Variants in PIWIL2 observed in about 807,000 individuals in gnomAD.
PIWIL2 encodes piwi-like protein 2.
Under a neutral mutation model 116.5 loss-of-function variants are expected in PIWIL2, and 81 were observed. The ratio of observed to expected loss-of-function variants is 0.70; its 90% CI spans 0.58 to 0.84. PIWIL2 has a LOEUF of 0.84. PIWIL2 is among the 40% of genes least tolerant of loss of function. The pLI, the probability that PIWIL2 is intolerant of heterozygous loss-of-function variation, is 0.00. For synonymous variants in PIWIL2, 489 were observed against 429.5 expected, an observed-to-expected ratio of 1.14 and a Z score of -1.71; for missense variants, 1,272 against 1,212.3, an observed-to-expected ratio of 1.05 and a Z score of -0.73.
intron 12 of PIWIL2, among the ~76,000 whole-genome samples, 164 bp downstream of exon 12, chr8:22,305,032 TCA>T (rs947673826): frequency 6.6e-6 from 1 of 152,110 alleles, no homozygotes; most frequent in African/African-American, 2.4e-5. Flanking sequence ...GAGGCACCAC[TCA>T]CACTGGTAAG....
chr8:22,310,383 A>C (rs969455104), intron 15 of PIWIL2, among the ~76,000 whole-genome samples: 1 of 151,944 alleles, frequency 6.6e-6, no homozygotes, highest in African/African-American at 2.4e-5. Flanking sequence ...GAGTATCTAG[A>C]GGGTATTTGT....
At chr8:22,302,493 C>A (rs1379670831) in intron 10 of PIWIL2, among the ~76,000 whole-genome samples, 11 of 152,042 alleles carry the variant, frequency 7.2e-5, no homozygotes, top group Admixed American at 7.2e-4. Context: ...TTTCTGATTT[C>A]TTTTTTTAAA....
chr8:22,290,774 A>C (rs991420764), intron 10 of PIWIL2, among the ~76,000 whole-genome samples: 2 of 151,878 alleles, frequency 1.3e-5, no homozygotes, highest in African/African-American at 2.4e-5. Flanking sequence ...TTAGTTGTAG[A>C]ATAACTGAAC....
chr8:22,292,008 G>A (rs948034177), intron 10 of PIWIL2, among the ~76,000 whole-genome samples: 6 of 152,116 alleles, frequency 3.9e-5, no homozygotes, highest in Middle Eastern at 3.2e-3. Flanking sequence ...TTGAGCAAAC[G>A]CTTGAAAGAG....
chr8:22,332,801 T>G (rs183790037), intron 20 of PIWIL2, among the ~76,000 whole-genome samples: 1 of 152,102 alleles, frequency 6.6e-6, no homozygotes, highest in Non-Finnish European at 1.5e-5. Context: ...AAAAATAGAC[T>G]GTCACCAGCT....
chr8:22,294,992 T>G (rs1159232510), intron 10 of PIWIL2, among the ~76,000 whole-genome samples: 2 of 149,520 alleles, frequency 1.3e-5, no homozygotes, highest in African/African-American at 4.9e-5. Flanking sequence ...GGCAGGAGAA[T>G]GGCTTGAACC....
chr8:22,284,284 T>C lies in PIWIL2; in HGVS notation c.743+12T>C. On this transcript the variant is annotated intron_variant, in intron 6 of 22. Coordinates refer to ENST00000356766, the MANE Select transcript of PIWIL2 (RefSeq NM_018068.5). ...CATGTGACTTTCAGGTATTCACAGC[T>C]TTCCTTTGTATTGTTCACTTCTTAA... The C allele has an allele frequency of 7.3e-7, 1 of 1,373,278 alleles. No homozygotes were observed. The highest frequency in any genetic ancestry group is 1.0e-6 in the Non-Finnish European group (1 of 977,742). 85.1% of individuals were successfully genotyped at this position (1,373,278 alleles called of 1,614,324 possible).
At chr8:22,294,900 G>GAAAAA (rs57742067) in intron 10 of PIWIL2, among the ~76,000 whole-genome samples, 1 of 93,650 alleles carries the variant, frequency 1.1e-5, no homozygotes, top group Non-Finnish European at 2.1e-5. Flanking sequence ...ATCTTTACTG[G>GAAAAA]AAAAAAAAAA....
chr8:22,276,301 G>T (rs1337298181), intron 1 of PIWIL2, among the ~76,000 whole-genome samples: 4 of 152,102 alleles, frequency 2.6e-5, no homozygotes, highest in African/African-American at 9.6e-5. Flanking sequence ...TAATACTTAA[G>T]ACAGCTTTTT....
At chr8:22,328,634 T>A (rs148721917) in intron 20 of PIWIL2, among the ~76,000 whole-genome samples, 1,649 of 152,252 alleles carry the variant, frequency 0.011, 43 homozygotes, top group African/African-American at 0.037. Flanking sequence ...TTTCCATGTA[T>A]AAGTCTTTAC....
chr8:22,310,455 A>G (rs1171125204), intron 15 of PIWIL2, among the ~76,000 whole-genome samples: 1 of 152,198 alleles, frequency 6.6e-6, no homozygotes, highest in Non-Finnish European at 1.5e-5. Flanking sequence ...TACACTAGCT[A>G]TTTGTATCAA....
chr8:22,308,080 C>CA lies in PIWIL2; in HGVS notation c.1686+13dup. On this transcript the variant is annotated splice_region_variant and intron_variant, in intron 14 of 22. Coordinates refer to ENST00000356766, the MANE Select transcript of PIWIL2 (RefSeq NM_018068.5). ...GCAAAAGGATGTACATAAGGTAAAC[C>CA]AAAAAACGTGATGGTGTATGCACAT... The CA allele has an allele frequency of 6.2e-7, 1 of 1,609,070 alleles. No homozygotes were observed. The highest frequency in any genetic ancestry group is 8.5e-7 in the Non-Finnish European group (1 of 1,177,200).
rs761215621 is a variant in PIWIL2, at chr8:22,304,041, A to G, written c.1202A>G (p.Asn401Ser). The change falls in exon 11 of 23, where the codon AAT becomes AGT. Residue 401 changes from asparagine (N) to serine (S), a missense_variant. Coordinates refer to ENST00000356766, the MANE Select transcript of PIWIL2 (RefSeq NM_018068.5). ...CAAAGGCATGCCATTTATCAGCAGA[A>G]TAAAGAACACTTCCAGGATGAGTGT... ...LDVMHAIYQQ[N>S]KEHFQDECTK... The G allele has an allele frequency of 6.2e-7, 1 of 1,612,904 alleles. No individual in the cohort carries two copies. The highest frequency in any genetic ancestry group is 8.5e-7 in the Non-Finnish European group (1 of 1,179,318).
intron 20 of PIWIL2, among the ~76,000 whole-genome samples, chr8:22,335,663 T>G (rs1302243374): frequency 6.6e-6 from 1 of 150,642 alleles, no homozygotes; most frequent in Non-Finnish European, 1.5e-5. Flanking sequence ...TTCTGCTGCC[T>G]CGGCCTCCCG....
chr8:22,312,754 C>T (rs1831364261), intron 16 of PIWIL2, among the ~76,000 whole-genome samples: 1 of 152,136 alleles, frequency 6.6e-6, no homozygotes, highest in African/African-American at 2.4e-5. Flanking sequence ...GATCCTCCTG[C>T]CTCAGCCTTC....
At chr8:22,308,176 T>C (rs1053365887) in intron 14 of PIWIL2, 103 bp downstream of exon 14, 23 of 980,678 alleles carry the variant, frequency 2.3e-5, no homozygotes, top group Middle Eastern at 4.5e-4. Context: ...TGTTTGTCCA[T>C]GTCATTTAAT....
At chr8:22,345,234 A>G (rs1200134074) in intron 20 of PIWIL2, among the ~76,000 whole-genome samples, 1 of 152,226 alleles carries the variant, frequency 6.6e-6, no homozygotes, top group Admixed American at 6.5e-5. Context: ...ATGACCCAAG[A>G]ATTCTAGTCC....
intron 16 of PIWIL2, among the ~76,000 whole-genome samples, chr8:22,312,287 A>T (rs1831352561): frequency 6.8e-6 from 1 of 147,416 alleles, no homozygotes; most frequent in Non-Finnish European, 1.5e-5. Flanking sequence ...AAAAAATGAG[A>T]TAGGATTTTA....
intron 6 of PIWIL2, among the ~76,000 whole-genome samples, chr8:22,284,495 T>G (rs1449387454): frequency 1.3e-5 from 2 of 152,196 alleles, no homozygotes; most frequent in African/African-American, 4.8e-5. Context: ...GGTGTAGATT[T>G]ATACATGAGG....
Sources: gnomAD v4.1 joint callset for allele counts (sites outside exome capture counted in the v4.1 genomes callset) on GRCh38, gnomAD v4.1.1 for gene constraint, MANE v1.5 for transcripts, NCBI Gene and HGNC (gene_info 2026-07-23, HGNC 2026-07-21) for gene names.